The following RREB1 variants were observed in gnomAD, a reference collection of about 807,000 sequenced individuals.
RREB1 encodes ras responsive element binding protein 1, also known as ras-responsive element-binding protein 1.
Under a neutral mutation model 117.8 loss-of-function variants are expected in RREB1, and 27 were observed. That is an observed-to-expected ratio of 0.23 (90% CI 0.17 to 0.32). RREB1 has a LOEUF of 0.32. Ranked by LOEUF, RREB1 falls within the 10% of genes least tolerant of loss-of-function variation. The pLI, the probability that RREB1 is intolerant of heterozygous loss-of-function variation, is 1.00. For missense variants in RREB1, 2,577 were observed against 2,378.2 expected (o/e 1.08, Z -1.74); for synonymous variants, 1,298 against 1,026.7 (o/e 1.26, Z -5.05).
At chr6:7,204,537 C>CA (rs201091604) in intron 6 of RREB1, among the ~76,000 whole-genome samples, 9 of 151,898 alleles carry the variant, frequency 5.9e-5, no homozygotes, top group Admixed American at 1.3e-4. Flanking sequence ...CTTTGTTGGA[C>CA]AAAAAAAAGC....
chr6:7,155,165 A>G (rs537123983), intron 1 of RREB1, among the ~76,000 whole-genome samples: 1 of 152,128 alleles, frequency 6.6e-6, no homozygotes, highest in African/African-American at 2.4e-5. Context: ...CCCTGTTCTC[A>G]TCACCCTCCC....
At position 7,210,930 on chromosome 6, in the gene RREB1, C is replaced by T; in HGVS notation, c.552C>T (p.Asp184=). ...LSHDAESERE[D]PAPAKKMVED... ...ACGATGCCGAGTCAGAGAGAGAAGA[C>T]CCAGCACCAGCTAAAAAGGTCCTCT... Residue 184 remains aspartate (D), a synonymous_variant, in exon 7 of 13, where the codon GAC becomes GAT. Transcript: ENST00000379938. The T allele has an allele frequency of 6.2e-7, 1 of 1,613,808 alleles. No individual in the cohort carries two copies.
chr6:7,203,408 A>T (rs1348352112), intron 6 of RREB1, among the ~76,000 whole-genome samples: 2 of 152,248 alleles, frequency 1.3e-5, no homozygotes, highest in Admixed American at 1.3e-4. Context: ...AGCTCAATGC[A>T]TCATTAAGGA....
rs529851888 is a variant in RREB1, at chr6:7,148,950, T to G, written c.-284-27705T>G. 4.6e-5 allele frequency among the ~76,000 whole-genome samples: 7 copies of G among 152,268 alleles called. No homozygotes were observed. In the South Asian group the frequency reaches 1.5e-3, roughly 32 times the overall value. On this transcript the variant is annotated intron_variant, in intron 1 of 12. Transcript: ENST00000379938. Reference sequence around the variant, plus strand: ...ATTCCCTTTATTTTTTGAGACAGAGTCTTGCTCTGTTGCCCAGAATGGAGT... The same window carrying G: ...ATTCCCTTTATTTTTTGAGACAGAGGCTTGCTCTGTTGCCCAGAATGGAGT...
rs777719170 is a variant in RREB1, at chr6:7,246,999, G to T, written c.4549G>T (p.Ala1517Ser). The change falls in exon 12 of 13, where the codon GCC (alanine) becomes TCC (serine). Residue 1517 changes from alanine (A) to serine (S), a missense_variant. Ala to Ser is a moderately conservative substitution (Grantham distance 99, BLOSUM62 1). Coordinates refer to ENST00000379938, the MANE Select transcript of RREB1 (RefSeq NM_001003699.4). ...VVESAPGAGE[A>S]PAEKLAEETE... ...GGAGTCGGCCCCGGGTGCCGGGGAG[G>T]CCCCGGCGGAAAAGCTCGCGGAGGA... 1.2e-5 allele frequency: 19 copies of T among 1,601,116 alleles called. No homozygotes were observed. The highest frequency in any genetic ancestry group is 1.1e-5 in the South Asian group (1 of 89,662).
rs371044808 is a variant in RREB1 at position 7,231,590 on chromosome 6, G to C, written c.3491G>C (p.Arg1164Pro). 2 of 1,611,434 alleles carry C rather than the reference G, an allele frequency of 1.2e-6. No individual in the cohort carries two copies. The highest frequency in any genetic ancestry group is 1.7e-6 in the Non-Finnish European group (2 of 1,179,206). The change falls in exon 10 of 13, where the codon CGC becomes CCC. Residue 1164 changes from arginine (R) to proline (P), a missense_variant. Arg to Pro is a moderately radical substitution (Grantham distance 103, BLOSUM62 -2). Transcript: ENST00000379938. The part of the protein sequence containing the change: ...GRKRGMRSRP[R>P]ANSGGVDLDS... ...AAAAGGGGGATGAGGAGCCGACCCC[G>C]CGCCAACAGCGGCGGGGTGGACCTG...
intron 6 of RREB1, among the ~76,000 whole-genome samples, chr6:7,205,145 C>G (rs113929869): frequency 2.6e-5 from 4 of 152,264 alleles, no homozygotes; most frequent in African/African-American, 9.6e-5. Context: ...CACTGTGATC[C>G]CATGGTTCTC....
chr6:7,240,689 G>A, intron 11 of RREB1, 87 bp downstream of exon 11: 1 of 1,241,980 alleles, frequency 8.1e-7, no homozygotes, highest in Non-Finnish European at 1.1e-6. Flanking sequence ...TCCGAGCTGT[G>A]GAGGGGCTGC....
At chr6:7,239,940 C>T (rs1768586953) in intron 10 of RREB1, among the ~76,000 whole-genome samples, 2 of 152,222 alleles carry the variant, frequency 1.3e-5, no homozygotes. Context: ...GGGGACTGGC[C>T]ACCCTGGCTG....
At chr6:7,112,736 G>A (rs1001208974) in intron 1 of RREB1, among the ~76,000 whole-genome samples, 6 of 152,218 alleles carry the variant, frequency 3.9e-5, no homozygotes, top group East Asian at 1.9e-4. Flanking sequence ...TCATTACTAC[G>A]GAGGTAAAAG....
chr6:7,137,765 T>C (rs750449856), intron 1 of RREB1, among the ~76,000 whole-genome samples: 1 of 152,134 alleles, frequency 6.6e-6, no homozygotes, highest in Non-Finnish European at 1.5e-5. Context: ...GAGAGTCATT[T>C]CACGGCCGCC....
At chr6:7,248,276 A>G (rs1769224583) in intron 12 of RREB1, among the ~76,000 whole-genome samples, 1 of 152,114 alleles carries the variant, frequency 6.6e-6, no homozygotes, top group Non-Finnish European at 1.5e-5. Flanking sequence ...CAGTATGTAG[A>G]GTGCCTGGGC....
intron 1 of RREB1, among the ~76,000 whole-genome samples, chr6:7,171,646 A>C (rs1380362616): frequency 6.6e-6 from 1 of 152,204 alleles, no homozygotes; most frequent in Admixed American, 6.5e-5. Flanking sequence ...TAAATGAGAC[A>C]GTGCATGTGG....
In RREB1 at chr6:7,187,488, A is replaced by T. The variant is rs1430408530; in HGVS notation, c.226A>T (p.Thr76Ser). ...YNCPLCEKIC[T>S]TQHQLTMHIR... ...CTGCCCCCTGTGTGAGAAGATTTGC[A>T]CTACCCAGCACCAGCTGACCATGCA... is the stretch of plus-strand genomic sequence containing the variant. Residue 76 changes from threonine to serine, a missense_variant, in exon 5 of 13, where the codon ACT becomes TCT. Coordinates refer to ENST00000379938, the MANE Select transcript of RREB1 (RefSeq NM_001003699.4). 1 of 1,580,780 alleles carries T rather than the reference A, an allele frequency of 6.3e-7. No homozygotes were observed. Among genetic ancestry groups the T allele is most frequent in the Non-Finnish European group, 8.6e-7 (1 of 1,158,968 alleles).
chr6:7,218,219 A>G (rs1767020601), intron 8 of RREB1: 2 of 152,150 alleles, frequency 1.3e-5, no homozygotes, highest in Admixed American at 1.3e-4. Flanking sequence ...AAGAAAATTC[A>G]CCCTTCTTGC....
chr6:7,158,562 C>G (rs1763495762), intron 1 of RREB1, among the ~76,000 whole-genome samples: 1 of 152,154 alleles, frequency 6.6e-6, no homozygotes, highest in Non-Finnish European at 1.5e-5. Flanking sequence ...CAGCCTCCAC[C>G]TCCATACCCT....
chr6:7,116,417 A>G (rs1761401707), intron 1 of RREB1, among the ~76,000 whole-genome samples: 1 of 151,978 alleles, frequency 6.6e-6, no homozygotes, highest in African/African-American at 2.4e-5. Flanking sequence ...GTTGTGAGTA[A>G]CTTTTACCCC....
chr6:7,121,538 A>G (rs1330977195), intron 1 of RREB1, among the ~76,000 whole-genome samples: 1 of 152,036 alleles, frequency 6.6e-6, no homozygotes, highest in African/African-American at 2.4e-5. Context: ...CTGTGTGAAA[A>G]CATAGTTCAT....
Position 7,219,919 on chromosome 6 carries a change from T to A in RREB1, c.708-6548T>A, listed in dbSNP as rs182894212. ...CCCTACCCAGTGCCGCCAGGGACAT[T>A]ACAGTTGATACTAAGGGAGGAAGGA... On this transcript the variant is annotated intron_variant, in intron 8 of 12. Transcript: ENST00000379938. Among the ~76,000 whole-genome samples, 168 of 152,248 alleles carry A rather than the reference T, an allele frequency of 1.1e-3. 1 individual carries two copies. The highest frequency in any genetic ancestry group is 3.3e-3 in the African/African-American group (135 of 41,536).
Sources: gnomAD v4.1 joint callset for allele counts (sites outside exome capture counted in the v4.1 genomes callset) on GRCh38, gnomAD v4.1.1 for gene constraint, MANE v1.5 for transcripts, NCBI Gene and HGNC (gene_info 2026-07-23, HGNC 2026-07-21) for gene names.